SPPL3: variants seen among roughly 807,000 people sequenced by gnomAD.
SPPL3 encodes the protein signal peptide peptidase-like 3.
In SPPL3, 5 loss-of-function variants were observed where a neutral mutation model predicts 42.4. The ratio of observed to expected loss-of-function variants is 0.12; its 90% CI spans 0.06 to 0.25. The LOEUF (loss-of-function observed/expected upper bound fraction) is 0.25, where lower values mean the gene tolerates loss of function less well. SPPL3 is among the 10% of genes least tolerant of loss of function. The probability of loss-of-function intolerance (pLI) is 1.00; values close to 1 mark genes in which losing one functional copy is unlikely to be tolerated. For synonymous variants in SPPL3, 195 were observed against 181.8 expected (o/e 1.07, Z -0.58); for missense variants, 235 against 489.0 (o/e 0.48, Z 4.90).
chr12:120,764,984 T>C lies in SPPL3; in HGVS notation c.*15A>G. 5.0e-6 allele frequency: 8 copies of C among 1,613,540 alleles called. No individual in the cohort carries two copies. The highest frequency in any genetic ancestry group is 6.8e-6 in the Non-Finnish European group (8 of 1,179,704). On this transcript the variant is annotated 3_prime_UTR_variant, in exon 11 of 11. Transcript: ENST00000353487. ...AGGACTATGACGGCCATCTGGTCACTTTCCACGTGATCCATCATACTTCCA... is the reference window on the plus strand; with the variant it reads ...AGGACTATGACGGCCATCTGGTCACCTTCCACGTGATCCATCATACTTCCA...
intron 1 of SPPL3, among the ~76,000 whole-genome samples, chr12:120,860,620 T>TA (rs1159780020): frequency 2.0e-5 from 3 of 152,210 alleles, no homozygotes; most frequent in African/African-American, 7.2e-5. Flanking sequence ...TGTATTTTGT[T>TA]AAGTTTTTGT....
intron 3 of SPPL3, among the ~76,000 whole-genome samples, chr12:120,788,879 T>C (rs1869811902): frequency 6.6e-6 from 1 of 152,244 alleles, no homozygotes; most frequent in South Asian, 2.1e-4. Flanking sequence ...CCTACACCTC[T>C]CTGTTTCTCT....
At chr12:120,802,532 C>T (rs897075970) in intron 2 of SPPL3, among the ~76,000 whole-genome samples, 1 of 150,606 alleles carries the variant, frequency 6.6e-6, no homozygotes, top group Middle Eastern at 3.4e-3. Context: ...CCTCCCAGTT[C>T]AAGCGATTCT....
intron 1 of SPPL3, among the ~76,000 whole-genome samples, chr12:120,830,788 G>A (rs2137017626): frequency 6.6e-6 from 1 of 152,020 alleles, no homozygotes; most frequent in East Asian, 1.9e-4. Context: ...ACTTTTTTGT[G>A]ACCCTAGAAG....
intron 6 of SPPL3, among the ~76,000 whole-genome samples, chr12:120,781,563 T>TTTTG (rs1192566995): frequency 2.4e-5 from 2 of 84,630 alleles, no homozygotes. Flanking sequence ...ACGTTTTTTT[T>TTTTG]TTTTTTTTTT....
intron 1 of SPPL3, among the ~76,000 whole-genome samples, chr12:120,862,397 T>C (rs143580980): frequency 2.3e-4 from 35 of 152,224 alleles, no homozygotes; most frequent in African/African-American, 7.9e-4. Context: ...TCTCATGAGA[T>C]TGCCTCTATT....
intron 1 of SPPL3, among the ~76,000 whole-genome samples, chr12:120,885,295 T>A (rs1593011379): frequency 6.6e-6 from 1 of 152,156 alleles, no homozygotes; most frequent in African/African-American, 2.4e-5. Context: ...CCACTTACGG[T>A]GTTCTTTAAT....
At chr12:120,810,342 G>A (rs1281408643) in intron 2 of SPPL3, among the ~76,000 whole-genome samples, 2 of 151,532 alleles carry the variant, frequency 1.3e-5, no homozygotes, top group Admixed American at 6.6e-5. Context: ...CCTGGTCTTC[G>A]TAAGCCTACT....
chr12:120,824,015 C>T (rs773099208), intron 1 of SPPL3, among the ~76,000 whole-genome samples: 6 of 152,056 alleles, frequency 3.9e-5, no homozygotes, highest in Non-Finnish European at 8.8e-5. Flanking sequence ...GGACTACAGG[C>T]GCCCGCCACC....
At chr12:120,795,792 A>T (rs552145450) in intron 2 of SPPL3, among the ~76,000 whole-genome samples, 1 of 152,232 alleles carries the variant, frequency 6.6e-6, no homozygotes, top group East Asian at 1.9e-4. Context: ...TTCTTCATGT[A>T]TTATTCTGTC....
At chr12:120,900,256 A>G (rs2137073790) in intron 1 of SPPL3, among the ~76,000 whole-genome samples, 1 of 152,154 alleles carries the variant, frequency 6.6e-6, no homozygotes, top group Admixed American at 6.6e-5. Flanking sequence ...GTGGCACAAC[A>G]GTCTCCACAG....
At chr12:120,765,175 C>T in intron 10 of SPPL3, 105 bp from the exon 11 acceptor site, 16 of 1,039,614 alleles carry the variant, frequency 1.5e-5, no homozygotes, top group Non-Finnish European at 1.9e-5. Context: ...TGAAGTCTTC[C>T]TATATATTGG....
At chr12:120,796,062 T>C (rs1243618668) in intron 2 of SPPL3, among the ~76,000 whole-genome samples, 1 of 152,212 alleles carries the variant, frequency 6.6e-6, no homozygotes, top group African/African-American at 2.4e-5. Context: ...TTCTGAAAGT[T>C]TGATTTCGTT....
At chr12:120,862,036 A>G (rs1241380746) in intron 1 of SPPL3, among the ~76,000 whole-genome samples, 4 of 152,200 alleles carry the variant, frequency 2.6e-5, no homozygotes, top group African/African-American at 9.7e-5. Flanking sequence ...TACAGAAAAT[A>G]ATGTCCACAG....
Position 120,763,884 on chromosome 12 carries a change from A to G in SPPL3, c.*1115T>C, listed in dbSNP as rs1868767007. ...ATGAAACAAAATGTCAAAAAAAAAA[A>G]TACAAAAAAATAGAAAATAGAAAAA... On this transcript the variant is annotated 3_prime_UTR_variant, in exon 11 of 11. Transcript: ENST00000353487. 1 of 124,230 alleles carries G rather than the reference A, an allele frequency of 8.0e-6. No individual in the cohort carries two copies. The highest frequency in any genetic ancestry group is 1.7e-5 in the Non-Finnish European group (1 of 59,156). The allele number at this position is 124,230 out of a possible 1,614,324, so 7.7% of individuals were successfully genotyped here.
At chr12:120,895,799 A>G (rs1873783173) in intron 1 of SPPL3, among the ~76,000 whole-genome samples, 1 of 152,240 alleles carries the variant, frequency 6.6e-6, no homozygotes, top group Non-Finnish European at 1.5e-5. Context: ...TGTACCAAAT[A>G]CAACACTAGG....
At chr12:120,832,482 A>C (rs1871457216) in intron 1 of SPPL3, among the ~76,000 whole-genome samples, 1 of 152,070 alleles carries the variant, frequency 6.6e-6, no homozygotes, top group Admixed American at 6.6e-5. Context: ...GACCAGCCAG[A>C]CCAACATGAA....
chr12:120,794,857 A>G (rs945481216), intron 2 of SPPL3, among the ~76,000 whole-genome samples: 2 of 152,178 alleles, frequency 1.3e-5, no homozygotes, highest in Non-Finnish European at 2.9e-5. Context: ...TTATGATCCA[A>G]TTTGATCTCC....
At chr12:120,870,627 C>A (rs1872892195) in intron 1 of SPPL3, among the ~76,000 whole-genome samples, 1 of 152,094 alleles carries the variant, frequency 6.6e-6, no homozygotes, top group Non-Finnish European at 1.5e-5. Flanking sequence ...CCTATCTATA[C>A]ATTCAAATAT....
Sources: allele counts gnomAD v4.1 joint callset (sites outside exome capture counted in the v4.1 genomes callset), GRCh38; gene constraint gnomAD v4.1.1; transcripts MANE v1.5; gene names NCBI Gene and HGNC (gene_info 2026-07-23, HGNC 2026-07-21).